The following SLC44A1 variants were observed in gnomAD, a reference collection of about 807,000 sequenced individuals.
The protein encoded by SLC44A1 is choline transporter-like protein 1.
In SLC44A1, 26 loss-of-function variants were observed where a neutral mutation model predicts 79.3. The ratio of observed to expected loss-of-function variants is 0.33; its 90% CI spans 0.24 to 0.46. SLC44A1 has a LOEUF of 0.46. Ranked by LOEUF, SLC44A1 falls within the 20% of genes least tolerant of loss-of-function variation. The pLI, the probability that SLC44A1 is intolerant of heterozygous loss-of-function variation, is 1.00. For missense variants in SLC44A1, 688 were observed against 798.1 expected (o/e 0.86, Z 1.66); for synonymous variants, 263 against 286.2 (o/e 0.92, Z 0.82).
intron 15 of SLC44A1, among the ~76,000 whole-genome samples, chr9:105,426,697 T>G (rs1233651486): frequency 6.6e-6 from 1 of 152,140 alleles, no homozygotes; most frequent in Admixed American, 6.5e-5. Flanking sequence ...TCAAGCCCAG[T>G]CTCTATAAAC....
At chr9:105,342,130 A>G (rs866515294) in intron 4 of SLC44A1, among the ~76,000 whole-genome samples, 3 of 152,232 alleles carry the variant, frequency 2.0e-5, no homozygotes, top group African/African-American at 7.2e-5. Context: ...CACATACGGT[A>G]GTTCTCCCTT....
chr9:105,307,393 C>T (rs10820796), intron 2 of SLC44A1, among the ~76,000 whole-genome samples: 23,075 of 152,072 alleles, frequency 0.15, 2,449 homozygotes, highest in African/African-American at 0.3. Flanking sequence ...CATGTAATCC[C>T]AGCACTTTGG....
At chr9:105,356,913 C>G (rs1411467681) in intron 6 of SLC44A1, among the ~76,000 whole-genome samples, 1 of 151,978 alleles carries the variant, frequency 6.6e-6, no homozygotes, top group East Asian at 1.9e-4. Context: ...GATAATAAAT[C>G]AAACAAAAAT....
intron 1 of SLC44A1, among the ~76,000 whole-genome samples, chr9:105,263,947 T>A (rs1255405152): frequency 6.6e-6 from 1 of 152,088 alleles, no homozygotes. Flanking sequence ...AAATCTTTAA[T>A]TCTTTTGCTT....
intron 1 of SLC44A1, among the ~76,000 whole-genome samples, chr9:105,253,467 C>A (rs953287882): frequency 6.6e-6 from 1 of 152,158 alleles, no homozygotes; most frequent in African/African-American, 2.4e-5. Flanking sequence ...GTGGCTCACA[C>A]GTATAATCCC....
intron 5 of SLC44A1, chr9:105,355,968 G>T (rs139474047): frequency 2.0e-6 from 1 of 493,060 alleles, no homozygotes; most frequent in Non-Finnish European, 3.6e-6. Flanking sequence ...TTCAGAAGGG[G>T]CGGGTAATGT....
chr9:105,383,330 A>C lies in SLC44A1; in HGVS notation c.1840A>C (p.Arg614=), dbSNP rs1200483753. 6.2e-7 allele frequency: 1 copy of C among 1,610,540 alleles called. No individual in the cohort carries two copies. The highest frequency in any genetic ancestry group is 1.7e-5 in the Admixed American group (1 of 60,020). Residue 614 remains arginine, a synonymous_variant, in exon 14 of 16, where the codon AGA becomes CGA. Transcript: ENST00000374720. The part of the protein sequence containing the change: ...DTKYNDGSPG[R]EFYMDKVLME... Reference sequence around the variant, plus strand: ...AAAATACAATGATGGGAGCCCTGGCAGAGAATTCTATATGGATAAAGTGCT... The same window carrying C: ...AAAATACAATGATGGGAGCCCTGGCCGAGAATTCTATATGGATAAAGTGCT...
chr9:105,268,272 A>T (rs1331152737), intron 1 of SLC44A1, among the ~76,000 whole-genome samples: 1 of 152,060 alleles, frequency 6.6e-6, no homozygotes, highest in Non-Finnish European at 1.5e-5. Context: ...TTGTGGTGTA[A>T]GTGGGTTCAC....
intron 12 of SLC44A1, among the ~76,000 whole-genome samples, chr9:105,370,914 G>T (rs1828078328): frequency 6.6e-6 from 1 of 152,160 alleles, no homozygotes; most frequent in South Asian, 2.1e-4. Context: ...TTAGTATCAG[G>T]ATGTATCTCA....
intron 4 of SLC44A1, among the ~76,000 whole-genome samples, chr9:105,337,257 A>G (rs923537284): frequency 1.3e-5 from 2 of 152,062 alleles, no homozygotes; most frequent in Admixed American, 1.3e-4. Flanking sequence ...TTGGGTTCAG[A>G]TGTTGCTCCT....
intron 4 of SLC44A1, among the ~76,000 whole-genome samples, chr9:105,338,075 G>GT (rs1826977986): frequency 6.6e-6 from 1 of 152,192 alleles, no homozygotes; most frequent in African/African-American, 2.4e-5. Context: ...TGTATGAATA[G>GT]TAAGTCAATA....
intron 3 of SLC44A1, among the ~76,000 whole-genome samples, chr9:105,318,707 A>G (rs1826283974): frequency 6.7e-6 from 1 of 150,106 alleles, no homozygotes; most frequent in South Asian, 2.1e-4. Flanking sequence ...TACTGCGAGC[A>G]ATTTGAAAGA....
At chr9:105,426,948 T>C (rs1359258209) in intron 15 of SLC44A1, among the ~76,000 whole-genome samples, 4 of 151,196 alleles carry the variant, frequency 2.6e-5, no homozygotes, top group South Asian at 2.1e-4. Flanking sequence ...TTTTTTTTTT[T>C]TCCTCGAGAC....
At chr9:105,289,310 G>A (rs963956810) in intron 1 of SLC44A1, among the ~76,000 whole-genome samples, 10 of 152,178 alleles carry the variant, frequency 6.6e-5, no homozygotes, top group African/African-American at 1.4e-4. Flanking sequence ...CATTATATAT[G>A]CAACCATTTA....
chr9:105,385,609 G>T, intron 15 of SLC44A1, 107 bp downstream of exon 15: 2 of 1,506,528 alleles, frequency 1.3e-6, no homozygotes, highest in Admixed American at 4.4e-5. Context: ...TTTGTTATCT[G>T]TATCACGCAG....
At chr9:105,355,024 C>T (rs1234863518) in intron 5 of SLC44A1, among the ~76,000 whole-genome samples, 1 of 152,098 alleles carries the variant, frequency 6.6e-6, no homozygotes, top group East Asian at 1.9e-4. Context: ...GTAGCTGGGA[C>T]TTAAAGTTCT....
At chr9:105,283,280 G>C (rs1830401784) in intron 1 of SLC44A1, among the ~76,000 whole-genome samples, 1 of 152,172 alleles carries the variant, frequency 6.6e-6, no homozygotes, top group African/African-American at 2.4e-5. Flanking sequence ...AAATTATACT[G>C]AAATGCTAGG....
At chr9:105,280,622 G>C (rs1347391490) in intron 1 of SLC44A1, among the ~76,000 whole-genome samples, 1 of 152,158 alleles carries the variant, frequency 6.6e-6, no homozygotes, top group Non-Finnish European at 1.5e-5. Flanking sequence ...GTATTAAATA[G>C]CTGAAGAGCT....
intron 13 of SLC44A1, among the ~76,000 whole-genome samples, chr9:105,379,502 T>C (rs1404917082): frequency 6.6e-6 from 1 of 152,214 alleles, no homozygotes; most frequent in African/African-American, 2.4e-5. Context: ...AAAGGGTACG[T>C]GGAACCGTTC....
Sources: allele counts gnomAD v4.1 joint callset (sites outside exome capture counted in the v4.1 genomes callset), GRCh38; gene constraint gnomAD v4.1.1; transcripts MANE v1.5; gene names NCBI Gene and HGNC (gene_info 2026-07-23, HGNC 2026-07-21).